The following SLC35F1 variants were observed in gnomAD, a reference collection of about 807,000 sequenced individuals.
SLC35F1 encodes the protein solute carrier family 35 member F1.
Under a neutral mutation model 48.7 loss-of-function variants are expected in SLC35F1, and 14 were observed. The observed-to-expected ratio is 0.29, with a 90% CI of 0.19 to 0.45. The LOEUF (loss-of-function observed/expected upper bound fraction) is 0.45, where lower values mean the gene tolerates loss of function less well. Among genes scored for constraint, SLC35F1 ranks in the 20% least tolerant of loss-of-function variants. SLC35F1 has a pLI of 1.00. For missense variants in SLC35F1, 404 were observed against 500.0 expected (o/e 0.81, Z 1.83); for synonymous variants, 190 against 202.2 (o/e 0.94, Z 0.51).
At chr6:118,192,796 C>A (rs1458746491) in intron 2 of SLC35F1, among the ~76,000 whole-genome samples, 1 of 152,078 alleles carries the variant, frequency 6.6e-6, no homozygotes, top group Non-Finnish European at 1.5e-5. Context: ...TTCTGTTTAC[C>A]TCTCTTTTGC....
At chr6:118,001,413 C>T (rs1281229389) in intron 1 of SLC35F1, among the ~76,000 whole-genome samples, 1 of 152,180 alleles carries the variant, frequency 6.6e-6, no homozygotes, top group African/African-American at 2.4e-5. Flanking sequence ...AAAGCTGAAA[C>T]TGGATCCCTT....
intron 1 of SLC35F1, among the ~76,000 whole-genome samples, chr6:118,151,186 T>G (rs1582696233): frequency 6.6e-6 from 1 of 152,294 alleles, no homozygotes; most frequent in East Asian, 1.9e-4. Flanking sequence ...ATGTGCTTCT[T>G]CTCCCTCACC....
At chr6:118,260,605 T>A (rs1562342714) in intron 3 of SLC35F1, among the ~76,000 whole-genome samples, 1 of 152,100 alleles carries the variant, frequency 6.6e-6, no homozygotes, top group Non-Finnish European at 1.5e-5. Flanking sequence ...AATAAATGAA[T>A]GTAGTGTTTC....
chr6:118,146,284 C>T (rs1582693200), intron 1 of SLC35F1, among the ~76,000 whole-genome samples: 1 of 152,176 alleles, frequency 6.6e-6, no homozygotes, highest in Non-Finnish European at 1.5e-5. Context: ...GTGCTTACTT[C>T]ATGTCTTTTG....
At chr6:118,207,736 T>A (rs990405048) in intron 2 of SLC35F1, among the ~76,000 whole-genome samples, 1 of 152,182 alleles carries the variant, frequency 6.6e-6, no homozygotes, top group African/African-American at 2.4e-5. Flanking sequence ...AAGGACAAAT[T>A]GCTATTTCTC....
rs143901954 is a variant in SLC35F1 at position 118,128,851 on chromosome 6, T to C, written c.174-25594T>C. Among the ~76,000 whole-genome samples the C allele has an allele frequency of 5.9e-5, 9 of 151,664 alleles. No individual in the cohort carries two copies. In the East Asian group the frequency reaches 1.7e-3, roughly 29 times the overall value. On this transcript the variant is annotated intron_variant, in intron 1 of 7. Transcript: ENST00000360388. ...AATAAATAAATAAAAGAAAAGAAAA[T>C]AACCTGCCATATAATGAGTGCTGCA...
chr6:118,141,602 C>T (rs1773890835), intron 1 of SLC35F1, among the ~76,000 whole-genome samples: 1 of 152,148 alleles, frequency 6.6e-6, no homozygotes, highest in African/African-American at 2.4e-5. Flanking sequence ...ACTGTATCCT[C>T]ACATGGCAGA....
At chr6:118,251,770 T>G (rs979262431) in intron 3 of SLC35F1, among the ~76,000 whole-genome samples, 4 of 152,174 alleles carry the variant, frequency 2.6e-5, no homozygotes, top group African/African-American at 9.7e-5. Flanking sequence ...GATCAATTCA[T>G]GTGTATTTGT....
At chr6:117,993,465 T>C (rs1335606275) in intron 1 of SLC35F1, among the ~76,000 whole-genome samples, 2 of 152,172 alleles carry the variant, frequency 1.3e-5, no homozygotes, top group Non-Finnish European at 2.9e-5. Context: ...TTTAAACAAT[T>C]AATAGATTTT....
At chr6:118,054,809 C>G (rs758303310) in intron 1 of SLC35F1, among the ~76,000 whole-genome samples, 1 of 151,134 alleles carries the variant, frequency 6.6e-6, no homozygotes, top group Non-Finnish European at 1.5e-5. Context: ...CACGGAGTCT[C>G]GCTGTGTCAC....
At chr6:118,038,943 T>G (rs1772171684) in intron 1 of SLC35F1, among the ~76,000 whole-genome samples, 1 of 152,188 alleles carries the variant, frequency 6.6e-6, no homozygotes, top group Admixed American at 6.5e-5. Context: ...CTTCATTTTA[T>G]TTTTTGTATT....
At chr6:118,276,993 A>G (rs1222971382) in intron 5 of SLC35F1, among the ~76,000 whole-genome samples, 1 of 152,188 alleles carries the variant, frequency 6.6e-6, no homozygotes, top group African/African-American at 2.4e-5. Flanking sequence ...AACTTGCCAG[A>G]AATGCACATC....
At chr6:118,181,686 C>T (rs944648275) in intron 2 of SLC35F1, among the ~76,000 whole-genome samples, 1 of 150,928 alleles carries the variant, frequency 6.6e-6, no homozygotes, top group Non-Finnish European at 1.5e-5. Context: ...TCTAGATGTA[C>T]GATGATTATA....
rs144123406 is a variant in SLC35F1 at position 118,075,358 on chromosome 6, C to T, written c.174-79087C>T. Among the ~76,000 whole-genome samples the T allele has an allele frequency of 1.6e-4, 25 of 152,214 alleles. 1 individual carries two copies. In the East Asian group the frequency reaches 2.9e-3, roughly 18 times the overall value. ...GATAAATGGAAACTAGTGTTATTTC[C>T]GAAAGCAAACCTGTTATGAATTTTA... On this transcript the variant is annotated intron_variant, in intron 1 of 7. Coordinates refer to ENST00000360388, the MANE Select transcript of SLC35F1 (RefSeq NM_001029858.4).
intron 2 of SLC35F1, among the ~76,000 whole-genome samples, chr6:118,172,606 A>T (rs544797946): frequency 6.6e-6 from 1 of 152,276 alleles, no homozygotes; most frequent in South Asian, 2.1e-4. Flanking sequence ...ACTGTGGTTT[A>T]TGTTCTTTCC....
chr6:118,238,301 C>T lies in SLC35F1; in HGVS notation c.477+2665C>T, dbSNP rs150524199. Among the ~76,000 whole-genome samples, 923 of 152,078 alleles carry T rather than the reference C, an allele frequency of 6.1e-3. 3 individuals carry two copies. Among genetic ancestry groups the T allele is most frequent in the Middle Eastern group, 0.017 (5 of 294 alleles). On this transcript the variant is annotated intron_variant, in intron 3 of 7. Coordinates refer to ENST00000360388, the MANE Select transcript of SLC35F1 (RefSeq NM_001029858.4). The stretch of plus-strand genomic sequence containing the variant: ...CAGCAGAAACTGTCTTTTGATAAGC[C>T]GGGCATACAGTTGTGCACCTCTGTA...
chr6:118,169,618 G>A (rs1442423793), intron 2 of SLC35F1, among the ~76,000 whole-genome samples: 1 of 152,020 alleles, frequency 6.6e-6, no homozygotes, highest in African/African-American at 2.4e-5. Flanking sequence ...GTCTTACCTG[G>A]ACTGCTACTA....
At chr6:118,128,260 TC>T (rs1773657945) in intron 1 of SLC35F1, among the ~76,000 whole-genome samples, 1 of 148,132 alleles carries the variant, frequency 6.8e-6, no homozygotes, top group African/African-American at 2.5e-5. Context: ...TGGCGATTCC[TC>T]AGGGATCTAG....
intron 1 of SLC35F1, among the ~76,000 whole-genome samples, chr6:118,062,147 G>T (rs560770463): frequency 2.0e-5 from 3 of 152,156 alleles, no homozygotes; most frequent in South Asian, 2.1e-4. Flanking sequence ...CTACCAATTT[G>T]TCTGCAGAAT....
Sources: gnomAD v4.1 joint callset for allele counts (sites outside exome capture counted in the v4.1 genomes callset) on GRCh38, gnomAD v4.1.1 for gene constraint, MANE v1.5 for transcripts, NCBI Gene and HGNC (gene_info 2026-07-23, HGNC 2026-07-21) for gene names.